CSMD3: variants seen among roughly 807,000 people sequenced by gnomAD.
The protein encoded by CSMD3 is CUB and Sushi multiple domains 3, also known as CUB and sushi domain-containing protein 3.
CSMD3 carries 177 observed loss-of-function variants against 435.2 expected under a neutral mutation model. The observed-to-expected ratio is 0.41, with a 90% CI of 0.36 to 0.46. CSMD3 has a LOEUF of 0.46. CSMD3 is among the 20% of genes least tolerant of loss of function. The pLI, the probability that CSMD3 is intolerant of heterozygous loss-of-function variation, is 0.34. For synonymous variants in CSMD3, 1,656 were observed against 1,520.5 expected (o/e 1.09, Z -2.07); for missense variants, 4,265 against 4,504.6 (o/e 0.95, Z 1.52).
At position 113,221,093 on chromosome 8, in the gene CSMD3, T is replaced by C. The variant is rs7817841; in HGVS notation, c.515-47177A>G. On this transcript the variant is annotated intron_variant, in intron 3 of 70. Transcript: ENST00000297405. Reference sequence around the variant, plus strand: ...AAGCTAAAATGTTATGGCGGCTAAATGCAATACCCAAATTTTGTTGGATCT... The same window carrying C: ...AAGCTAAAATGTTATGGCGGCTAAACGCAATACCCAAATTTTGTTGGATCT... Among the ~76,000 whole-genome samples the C allele has an allele frequency of 3.1e-3, 462 of 151,290 alleles. 2 individuals are homozygous for C. Among genetic ancestry groups the C allele is most frequent in the African/African-American group, 9.4e-3 (389 of 41,436 alleles).
Position 112,383,508 on chromosome 8 carries a change from AT to A in CSMD3, c.6031+58del, listed in dbSNP as rs557679324. On this transcript the variant is annotated intron_variant, in intron 37 of 70. Transcript: ENST00000297405. ...AGTAAGAGTTGTAGATAGCTCTTTA[AT>A]TTTTTTTATATTCCTAATTATATCT... The A allele has an allele frequency of 1.6e-3, 1,621 of 992,732 alleles. 18 individuals are homozygous for A. In the African/African-American group the frequency reaches 0.022, roughly 13 times the overall value. 61.5% of individuals were successfully genotyped at this position (992,732 alleles called of 1,614,324 possible).
intron 41 of CSMD3, among the ~76,000 whole-genome samples, chr8:112,345,067 T>C (rs913897103): frequency 2.0e-4 from 30 of 152,146 alleles, no homozygotes; most frequent in African/African-American, 6.0e-4. Flanking sequence ...AAAAATAGTA[T>C]AAGTCTGTCT....
intron 1 of CSMD3, among the ~76,000 whole-genome samples, chr8:113,333,032 T>C (rs1317381863): frequency 1.3e-5 from 2 of 151,680 alleles, no homozygotes; most frequent in Admixed American, 6.6e-5. Context: ...AGCAAATTTA[T>C]TGTTTTCTTC....
intron 32 of CSMD3, among the ~76,000 whole-genome samples, chr8:112,448,043 C>T (rs1425839689): frequency 6.6e-6 from 1 of 152,060 alleles, no homozygotes; most frequent in South Asian, 2.1e-4. Flanking sequence ...GCTCAGGCTG[C>T]CATACAAAAT....
At chr8:112,418,007 G>C (rs1009405588) in intron 32 of CSMD3, among the ~76,000 whole-genome samples, 2 of 152,094 alleles carry the variant, frequency 1.3e-5, no homozygotes, top group Admixed American at 1.3e-4. Context: ...AACTGAGCTG[G>C]TTTGCCACTT....
intron 20 of CSMD3, among the ~76,000 whole-genome samples, chr8:112,642,349 G>A (rs1018941911): frequency 6.6e-5 from 10 of 152,046 alleles, no homozygotes; most frequent in Non-Finnish European, 1.3e-4. Context: ...ACGTGTTTAA[G>A]GAAAATCTCT....
At chr8:112,897,178 T>C (rs2081971393) in intron 10 of CSMD3, among the ~76,000 whole-genome samples, 1 of 151,376 alleles carries the variant, frequency 6.6e-6, no homozygotes, top group Non-Finnish European at 1.5e-5. Flanking sequence ...CCTTAGGACT[T>C]CATTATTTTT....
At chr8:113,022,060 T>C (rs2086702264) in intron 5 of CSMD3, among the ~76,000 whole-genome samples, 1 of 152,172 alleles carries the variant, frequency 6.6e-6, no homozygotes, top group Admixed American at 6.5e-5. Context: ...TTTACACTCA[T>C]TCTAAACAAT....
chr8:112,680,157 C>A (rs531007565), intron 16 of CSMD3, among the ~76,000 whole-genome samples: 1 of 152,258 alleles, frequency 6.6e-6, no homozygotes, highest in East Asian at 1.9e-4. Context: ...GAGTTCAAGA[C>A]CAGCCTGGCC....
At chr8:112,897,694 CTGTGTGTGTGTGTG>C (rs375797134) in intron 10 of CSMD3, among the ~76,000 whole-genome samples, 2 of 90,964 alleles carry the variant, frequency 2.2e-5, no homozygotes, top group Non-Finnish European at 4.3e-5. Flanking sequence ...CTCTCTCTCT[CTGTGTGTGTGTGTG>C]TGTGTGTGTG....
rs187765221 is a variant in CSMD3, at chr8:112,901,389, C to T, written c.1633+20238G>A. On this transcript the variant is annotated intron_variant, in intron 10 of 70. Coordinates refer to ENST00000297405, the MANE Select transcript of CSMD3 (RefSeq NM_198123.2). Reference sequence around the variant, plus strand: ...TGGAAGATTTCACTGAACAATCTCCCATGAGAAACTAGAAATGAAACATTT... The same window carrying T: ...TGGAAGATTTCACTGAACAATCTCCTATGAGAAACTAGAAATGAAACATTT... Among the ~76,000 whole-genome samples, 22 of 151,294 alleles carry T rather than the reference C, an allele frequency of 1.5e-4. No homozygotes were observed. In the East Asian group the frequency reaches 4.1e-3, roughly 28 times the overall value.
intron 35 of CSMD3, among the ~76,000 whole-genome samples, chr8:112,397,973 A>G (rs1472903125): frequency 2.0e-5 from 3 of 152,200 alleles, no homozygotes; most frequent in Non-Finnish European, 2.9e-5. Flanking sequence ...ACACTTTAAG[A>G]TATGATTCAT....
Position 112,587,112 on chromosome 8 carries a change from T to C in CSMD3, c.3839A>G (p.Asn1280Ser), listed in dbSNP as rs78244389. The change falls in exon 23 of 71, where the codon AAT (asparagine) becomes AGT (serine). Residue 1280 changes from asparagine (N) to serine (S), a missense_variant. Asn to Ser is a conservative substitution (Grantham distance 46). This residue lies in a region of CSMD3 where 3,255 missense variants were observed against 3,380.2 expected (regional missense o/e 0.96). Transcript: ENST00000297405. ...TAAATGAAATGTTCTGGCTGAAATA[T>C]TGATTCCCTTTCCTGCTTGAACCTG... The part of the protein sequence containing the change: ...SIQVQAGKGI[N>S]ISARTFHLAQ... 1 of 1,611,260 alleles carries C rather than the reference T, an allele frequency of 6.2e-7. No homozygotes were observed. The highest frequency in any genetic ancestry group is 8.5e-7 in the Non-Finnish European group (1 of 1,178,058).
At chr8:112,283,963 G>A (rs1025463553) in intron 58 of CSMD3, among the ~76,000 whole-genome samples, 1 of 151,664 alleles carries the variant, frequency 6.6e-6, no homozygotes, top group Non-Finnish European at 1.5e-5. Flanking sequence ...ATTCTGACTG[G>A]ATCATTACAC....
At chr8:112,626,407 C>T (rs993549334) in intron 22 of CSMD3, among the ~76,000 whole-genome samples, 3 of 151,916 alleles carry the variant, frequency 2.0e-5, no homozygotes, top group African/African-American at 7.3e-5. Flanking sequence ...AGATGACAAA[C>T]AATAAAACCA....
intron 18 of CSMD3, 80 bp from the exon 19 acceptor site, chr8:112,650,429 C>A: frequency 9.5e-7 from 1 of 1,056,190 alleles, no homozygotes; most frequent in Non-Finnish European, 1.5e-6. Flanking sequence ...GTTCTTCAAA[C>A]AATTACAAGC....
chr8:112,422,939 C>G (rs1812674916), intron 32 of CSMD3, among the ~76,000 whole-genome samples: 1 of 152,048 alleles, frequency 6.6e-6, no homozygotes, highest in African/African-American at 2.4e-5. Context: ...GTCATTTGGT[C>G]CAATTTCTCA....
intron 49 of CSMD3, among the ~76,000 whole-genome samples, chr8:112,312,392 T>A (rs1252366113): frequency 6.6e-6 from 1 of 151,926 alleles, no homozygotes; most frequent in African/African-American, 2.4e-5. Context: ...GTAGGTAGGA[T>A]TACAGGTGCC....
intron 10 of CSMD3, among the ~76,000 whole-genome samples, chr8:112,907,357 T>G (rs1415471705): frequency 6.6e-6 from 1 of 151,534 alleles, no homozygotes; most frequent in Non-Finnish European, 1.5e-5. Flanking sequence ...CAGTGTTTTG[T>G]GCTCTTTAAT....
Sources: allele counts gnomAD v4.1 joint callset (sites outside exome capture counted in the v4.1 genomes callset), GRCh38; gene constraint gnomAD v4.1.1; regional missense constraint gnomAD v4.1.1; transcripts MANE v1.5; gene names NCBI Gene and HGNC (gene_info 2026-07-23, HGNC 2026-07-21).